GRIA1: variants seen among roughly 807,000 people sequenced by gnomAD.
The protein encoded by GRIA1 is glutamate ionotropic receptor AMPA type subunit 1, also known as glutamate receptor 1.
GRIA1 carries 31 observed loss-of-function variants against 99.2 expected under a neutral mutation model. The ratio of observed to expected loss-of-function variants is 0.31; its 90% CI spans 0.23 to 0.42. The LOEUF (loss-of-function observed/expected upper bound fraction) is 0.42, where lower values mean the gene tolerates loss of function less well. Ranked by LOEUF, GRIA1 falls within the 10% of genes least tolerant of loss-of-function variation. GRIA1 has a pLI of 1.00. For synonymous variants in GRIA1, 438 were observed against 432.4 expected (o/e 1.01, Z -0.16); for missense variants, 782 against 1,157.5 (o/e 0.68, Z 4.71).
chr5:153,633,017 C>T (rs1335317652), intron 2 of GRIA1, among the ~76,000 whole-genome samples: 1 of 152,086 alleles, frequency 6.6e-6, no homozygotes, highest in Admixed American at 6.5e-5. Flanking sequence ...CAAAAGTATG[C>T]AGGCCTGGAA....
intron 11 of GRIA1, 158 bp downstream of exon 11, chr5:153,706,225 G>A (rs1030187459): frequency 2.5e-5 from 18 of 710,476 alleles, no homozygotes; most frequent in Middle Eastern, 4.0e-4. Context: ...TCCATTGCAC[G>A]CTGTGGATTA....
In GRIA1 at chr5:153,719,595, TC is replaced by T. The variant is rs200046171; in HGVS notation, c.1823+13531del. ...GATGGCTGGGTTCCAAGAACAAGTG[TC>T]CCAAAAAGAAGCAGGCAGAAGCTGT... On this transcript the variant is annotated intron_variant, in intron 11 of 15. Coordinates refer to ENST00000285900, the MANE Select transcript of GRIA1 (RefSeq NM_000827.4). 1.1e-3 allele frequency among the ~76,000 whole-genome samples: 163 copies of T among 151,994 alleles called. 1 individual carries two copies. The highest frequency in any genetic ancestry group is 6.8e-3 in the East Asian group (35 of 5,154).
chr5:153,497,550 G>A (rs555844681), intron 2 of GRIA1, among the ~76,000 whole-genome samples: 48 of 152,282 alleles, frequency 3.2e-4, no homozygotes, highest in Non-Finnish European at 1.5e-4. Context: ...TAACAGTTTA[G>A]CCCAGAGGTT....
At chr5:153,648,254 T>C (rs184971498) in intron 3 of GRIA1, among the ~76,000 whole-genome samples, 101 of 152,296 alleles carry the variant, frequency 6.6e-4, no homozygotes, top group Non-Finnish European at 1.3e-3. Context: ...GTCCCCACTT[T>C]GATGACTTCC....
intron 11 of GRIA1, among the ~76,000 whole-genome samples, chr5:153,721,921 G>A (rs569574874): frequency 6.6e-6 from 1 of 152,268 alleles, no homozygotes; most frequent in South Asian, 2.1e-4. Flanking sequence ...TATTGTAGAT[G>A]CTACCAAACT....
intron 2 of GRIA1, among the ~76,000 whole-genome samples, chr5:153,560,844 C>A (rs148754726): frequency 5.5e-4 from 83 of 152,204 alleles, no homozygotes; most frequent in African/African-American, 1.9e-3. Flanking sequence ...TTTGGAGAAG[C>A]CTCCTTGAGA....
intron 10 of GRIA1, among the ~76,000 whole-genome samples, chr5:153,704,981 G>C (rs1244321712): frequency 6.6e-6 from 1 of 152,182 alleles, no homozygotes. Flanking sequence ...TATCTATTGA[G>C]TTAAATTGAC....
At chr5:153,537,414 C>T (rs149687901) in intron 2 of GRIA1, among the ~76,000 whole-genome samples, 136 of 152,190 alleles carry the variant, frequency 8.9e-4, no homozygotes, top group African/African-American at 3.1e-3. Flanking sequence ...CTTCATTCTC[C>T]GCATGTCCCT....
chr5:153,736,109 G>A (rs1761362101), intron 11 of GRIA1, among the ~76,000 whole-genome samples: 1 of 152,118 alleles, frequency 6.6e-6, no homozygotes, highest in Admixed American at 6.6e-5. Flanking sequence ...CAAGCCCTGA[G>A]CCCTTGAACA....
intron 5 of GRIA1, among the ~76,000 whole-genome samples, chr5:153,663,303 C>G (rs1336176990): frequency 6.6e-6 from 1 of 152,246 alleles, no homozygotes; most frequent in Admixed American, 6.5e-5. Flanking sequence ...AAACTTAAAA[C>G]CTTTCCCATT....
At chr5:153,534,005 AC>A (rs1351459286) in intron 2 of GRIA1, among the ~76,000 whole-genome samples, 4 of 151,750 alleles carry the variant, frequency 2.6e-5, no homozygotes, top group Non-Finnish European at 5.9e-5. Flanking sequence ...GACCAAGTAG[AC>A]CCCCCACTTC....
chr5:153,623,236 T>C (rs1083562), intron 2 of GRIA1, among the ~76,000 whole-genome samples: 32,447 of 152,136 alleles, frequency 0.21, 4,100 homozygotes, highest in Non-Finnish European at 0.28. Flanking sequence ...AAAAATGCCA[T>C]GATTAATTAA....
At chr5:153,551,829 C>T (rs1760171251) in intron 2 of GRIA1, among the ~76,000 whole-genome samples, 1 of 152,170 alleles carries the variant, frequency 6.6e-6, no homozygotes, top group African/African-American at 2.4e-5. Context: ...CAGGACCTAG[C>T]TTCAGTTATG....
At chr5:153,714,645 G>A (rs1284838740) in intron 11 of GRIA1, among the ~76,000 whole-genome samples, 1 of 152,200 alleles carries the variant, frequency 6.6e-6, no homozygotes, top group Non-Finnish European at 1.5e-5. Context: ...CTGCAAAGAA[G>A]TATTGAGCTC....
chr5:153,491,335 A>T (rs1168922879), intron 1 of GRIA1: 5 of 1,162,380 alleles, frequency 4.3e-6, no homozygotes, highest in Middle Eastern at 3.5e-4. Flanking sequence ...TTTTTAATGT[A>T]AGTATGTATG....
intron 2 of GRIA1, among the ~76,000 whole-genome samples, chr5:153,558,447 A>G (rs927873392): frequency 6.6e-6 from 1 of 151,968 alleles, no homozygotes; most frequent in Non-Finnish European, 1.5e-5. Context: ...TGTTTCTATA[A>G]TTTTTTTCTT....
At chr5:153,799,707 G>A (rs563899057) in intron 14 of GRIA1, among the ~76,000 whole-genome samples, 4 of 152,106 alleles carry the variant, frequency 2.6e-5, no homozygotes, top group African/African-American at 9.7e-5. Context: ...CCTTCAAAAG[G>A]TGGCAGTTCC....
chr5:153,765,383 C>G (rs1250620122), intron 12 of GRIA1, among the ~76,000 whole-genome samples: 1 of 152,054 alleles, frequency 6.6e-6, no homozygotes, highest in African/African-American at 2.4e-5. Context: ...AAATTAGAGG[C>G]AAAACAAGGA....
intron 13 of GRIA1, among the ~76,000 whole-genome samples, chr5:153,773,922 C>G (rs2149624029): frequency 1.3e-5 from 2 of 152,190 alleles, no homozygotes; most frequent in Middle Eastern, 6.8e-3. Flanking sequence ...AGGAAAGTTC[C>G]TCTACCCTTA....
Sources: allele counts gnomAD v4.1 joint callset (sites outside exome capture counted in the v4.1 genomes callset), GRCh38; gene constraint gnomAD v4.1.1; transcripts MANE v1.5; gene names NCBI Gene and HGNC (gene_info 2026-07-23, HGNC 2026-07-21).